The following LUZP2 variants were observed in gnomAD, a reference collection of about 807,000 sequenced individuals.
LUZP2 encodes the protein leucine zipper protein 2.
In LUZP2, 52 loss-of-function variants were observed where a neutral mutation model predicts 51.6. That is an observed-to-expected ratio of 1.01 (90% CI 0.81 to 1.27). The LOEUF (loss-of-function observed/expected upper bound fraction) is 1.27. LUZP2 is among the 50% of genes most tolerant of loss of function. LUZP2 has a pLI of 0.00. For synonymous variants in LUZP2, 154 were observed against 137.3 expected (o/e 1.12, Z -0.85); for missense variants, 436 against 395.4 (o/e 1.10, Z -0.87).
At chr11:24,786,698 T>TGTATATCATGTATTTATATATAAATAG (rs1554906383) in intron 5 of LUZP2, 1 of 131,182 alleles carries the variant, frequency 7.6e-6, no homozygotes, top group African/African-American at 2.8e-5. Flanking sequence ...TATATAAATA[T>TGTATATCATGTATTTATATATAAATAG]GTATATTATG....
intron 1 of LUZP2, among the ~76,000 whole-genome samples, chr11:24,591,067 C>G (rs1853241340): frequency 1.3e-5 from 2 of 152,158 alleles, no homozygotes; most frequent in Non-Finnish European, 2.9e-5. Context: ...TATAATTGTG[C>G]TACTGCACTA....
intron 4 of LUZP2, 36 bp from the exon 5 acceptor site, chr11:24,763,210 T>C (rs1860046538): frequency 1.1e-6 from 1 of 948,994 alleles, no homozygotes; most frequent in Middle Eastern, 2.4e-4. Context: ...GTAATGAGTT[T>C]GGAATGTGTC....
At chr11:24,882,715 G>A (rs551289120) in intron 5 of LUZP2, among the ~76,000 whole-genome samples, 21 of 151,130 alleles carry the variant, frequency 1.4e-4, no homozygotes, top group Admixed American at 5.9e-4. Context: ...TTAGTAATAT[G>A]CATTTATAAT....
intron 9 of LUZP2, among the ~76,000 whole-genome samples, chr11:25,042,681 G>T (rs1858107489): frequency 6.6e-6 from 1 of 152,164 alleles, no homozygotes; most frequent in African/African-American, 2.4e-5. Context: ...GTTTCTAGGG[G>T]AGAATCCATT....
chr11:24,908,253 C>A (rs1853519843), intron 6 of LUZP2, among the ~76,000 whole-genome samples: 1 of 152,100 alleles, frequency 6.6e-6, no homozygotes, highest in Non-Finnish European at 1.5e-5. Flanking sequence ...ATAATATTCA[C>A]AAGGGAAGCT....
intron 10 of LUZP2, among the ~76,000 whole-genome samples, chr11:25,071,735 G>A (rs900269744): frequency 6.6e-6 from 1 of 151,470 alleles, no homozygotes; most frequent in African/African-American, 2.4e-5. Flanking sequence ...GAGTTAACGG[G>A]TGCAGCACAC....
At chr11:24,645,300 T>A (rs1036630603) in intron 1 of LUZP2, among the ~76,000 whole-genome samples, 1 of 152,076 alleles carries the variant, frequency 6.6e-6, no homozygotes, top group Non-Finnish European at 1.5e-5. Flanking sequence ...AGAAAGAGAG[T>A]TTTATGTTGA....
At chr11:24,589,223 T>A (rs1240045302) in intron 1 of LUZP2, among the ~76,000 whole-genome samples, 1 of 152,114 alleles carries the variant, frequency 6.6e-6, no homozygotes, top group Non-Finnish European at 1.5e-5. Context: ...TGTTCCTGTT[T>A]TTGAGATCTC....
intron 5 of LUZP2, chr11:24,891,939 G>T (rs1225646484): frequency 2.0e-6 from 2 of 985,400 alleles, no homozygotes; most frequent in African/African-American, 3.5e-5. Context: ...GTGAAAAATG[G>T]CTTATTTGCT....
chr11:25,067,866 A>G (rs1859042286), intron 10 of LUZP2, among the ~76,000 whole-genome samples: 1 of 152,038 alleles, frequency 6.6e-6, no homozygotes, highest in Non-Finnish European at 1.5e-5. Context: ...ACATGCACAC[A>G]TATGTTTATT....
intron 5 of LUZP2, among the ~76,000 whole-genome samples, chr11:24,784,839 T>G (rs1178765673): frequency 6.6e-6 from 1 of 152,102 alleles, no homozygotes; most frequent in Non-Finnish European, 1.5e-5. Context: ...TGTATATGAT[T>G]AGACATATAA....
chr11:24,497,263 A>G lies in LUZP2; in HGVS notation c.20A>G (p.His7Arg), dbSNP rs1416561322. 1.3e-6 allele frequency: 2 copies of G among 1,565,928 alleles called. No homozygotes were observed. Among genetic ancestry groups the G allele is most frequent in the Non-Finnish European group, 1.7e-6 (2 of 1,154,456 alleles). ...AGCAGCATGAAATTCAGCCCAGCGCACTACCTGCTGCCTCTCCTGCCTGCG... is the reference window on the plus strand; with the variant it reads ...AGCAGCATGAAATTCAGCCCAGCGCGCTACCTGCTGCCTCTCCTGCCTGCG... MKFSPAHYLLPLLPALV... is the reference protein window; with the variant it reads MKFSPARYLLPLLPALV... Residue 7 changes from histidine to arginine, a missense_variant, in exon 1 of 12, where the codon CAC (histidine) becomes CGC (arginine). Coordinates refer to ENST00000336930, the MANE Select transcript of LUZP2 (RefSeq NM_001009909.4).
At chr11:24,759,616 C>G (rs1447222760) in intron 4 of LUZP2, among the ~76,000 whole-genome samples, 2 of 151,942 alleles carry the variant, frequency 1.3e-5, no homozygotes, top group African/African-American at 2.4e-5. Flanking sequence ...ATAATGGTAT[C>G]AGTGAAAGAA....
At chr11:24,616,644 T>C (rs1242976002) in intron 1 of LUZP2, among the ~76,000 whole-genome samples, 1 of 152,176 alleles carries the variant, frequency 6.6e-6, no homozygotes, top group Admixed American at 6.5e-5. Context: ...GAGTTGTCAG[T>C]GGTGTTGCAC....
chr11:24,566,820 T>C (rs1324921264), intron 1 of LUZP2, among the ~76,000 whole-genome samples: 2 of 146,214 alleles, frequency 1.4e-5, no homozygotes, highest in East Asian at 2.0e-4. Context: ...ATATAACTTA[T>C]ATATACATAT....
At chr11:25,007,412 G>A (rs1418495357) in intron 9 of LUZP2, among the ~76,000 whole-genome samples, 2 of 152,160 alleles carry the variant, frequency 1.3e-5, no homozygotes, top group East Asian at 1.9e-4. Flanking sequence ...AGACCAGCCT[G>A]GCTAACATGG....
At chr11:24,731,828 A>G (rs1277865002) in intron 2 of LUZP2, among the ~76,000 whole-genome samples, 1 of 151,944 alleles carries the variant, frequency 6.6e-6, no homozygotes, top group South Asian at 2.1e-4. Context: ...AAGAATGAAT[A>G]GAAGATATGT....
chr11:24,819,555 TTC>T (rs1850294926), intron 5 of LUZP2, among the ~76,000 whole-genome samples: 1 of 152,110 alleles, frequency 6.6e-6, no homozygotes, highest in Non-Finnish European at 1.5e-5. Flanking sequence ...TTTAAAACTT[TTC>T]TGTTTTTTGA....
chr11:24,626,483 T>C (rs1854687027), intron 1 of LUZP2, among the ~76,000 whole-genome samples: 1 of 152,194 alleles, frequency 6.6e-6, no homozygotes, highest in Admixed American at 6.5e-5. Context: ...CCTCTAGATA[T>C]TCCATCAATA....
Sources: gnomAD v4.1 joint callset for allele counts (sites outside exome capture counted in the v4.1 genomes callset) on GRCh38, gnomAD v4.1.1 for gene constraint, MANE v1.5 for transcripts, NCBI Gene and HGNC (gene_info 2026-07-23, HGNC 2026-07-21) for gene names.